The following FHIT variants were observed in gnomAD, a reference collection of about 807,000 sequenced individuals.
FHIT encodes the protein fragile histidine triad diadenosine triphosphatase.
A neutral mutation model predicts 17.9 loss-of-function variants in FHIT; 19 were observed. That is an observed-to-expected ratio of 1.06 (90% CI 0.74 to 1.56). The LOEUF is 1.56. FHIT is among the 40% of genes most tolerant of loss of function. The pLI is 0.00. For missense variants in FHIT, 248 were observed against 189.2 expected, an observed-to-expected ratio of 1.31 and a Z score of -1.82; for synonymous variants, 81 against 69.7, an observed-to-expected ratio of 1.16 and a Z score of -0.81.
chr3:60,246,331 G>A (rs190879639), intron 5 of FHIT, among the ~76,000 whole-genome samples: 15 of 152,122 alleles, frequency 9.9e-5, no homozygotes, highest in African/African-American at 3.4e-4. Flanking sequence ...TTTCCAGGAG[G>A]GGAAAAATGT....
chr3:60,962,454 T>C (rs9871579), intron 3 of FHIT, among the ~76,000 whole-genome samples: 2,596 of 152,264 alleles, frequency 0.017, 77 homozygotes, highest in African/African-American at 0.059. Flanking sequence ...CTGGCCAGAA[T>C]TTCCAACACT....
chr3:59,831,250 TCAA>T (rs962721119), intron 8 of FHIT, among the ~76,000 whole-genome samples: 3 of 152,180 alleles, frequency 2.0e-5, no homozygotes, highest in Admixed American at 6.5e-5. Flanking sequence ...ATAATTATCA[TCAA>T]CATTATCTGT....
At chr3:60,833,692 A>G (rs1231579466) in intron 3 of FHIT, among the ~76,000 whole-genome samples, 4 of 152,202 alleles carry the variant, frequency 2.6e-5, no homozygotes, top group Non-Finnish European at 4.4e-5. Flanking sequence ...AAGCTATTAC[A>G]CAGTAACACA....
intron 5 of FHIT, among the ~76,000 whole-genome samples, chr3:60,526,072 T>A (rs561318200): frequency 2.6e-5 from 4 of 151,880 alleles, no homozygotes; most frequent in Non-Finnish European, 5.9e-5. Context: ...CACTGCACTA[T>A]AGCTTGGATG....
chr3:60,154,942 G>A (rs1353121620), intron 5 of FHIT, among the ~76,000 whole-genome samples: 1 of 152,100 alleles, frequency 6.6e-6, no homozygotes, highest in African/African-American at 2.4e-5. Context: ...ACATACACCT[G>A]TAATCCGAGC....
chr3:61,052,653 G>A (rs1046859597), intron 2 of FHIT, among the ~76,000 whole-genome samples: 2 of 152,118 alleles, frequency 1.3e-5, no homozygotes, highest in Non-Finnish European at 2.9e-5. Context: ...TATTGCCCAC[G>A]AGTTTCTAAA....
intron 1 of FHIT, among the ~76,000 whole-genome samples, chr3:61,234,971 C>T (rs1243550034): frequency 6.6e-6 from 1 of 152,084 alleles, no homozygotes; most frequent in African/African-American, 2.4e-5. Flanking sequence ...TTTGATACTG[C>T]TAATTTGAGA....
At chr3:60,759,565 A>G (rs532004615) in intron 4 of FHIT, among the ~76,000 whole-genome samples, 61 of 152,314 alleles carry the variant, frequency 4.0e-4, no homozygotes, top group African/African-American at 1.4e-3. Context: ...CAGATCAGAA[A>G]GAGGATGATG....
chr3:60,612,815 G>C (rs1390221971), intron 4 of FHIT, among the ~76,000 whole-genome samples: 1 of 152,170 alleles, frequency 6.6e-6, no homozygotes, highest in Non-Finnish European at 1.5e-5. Flanking sequence ...GGCTGTGGCA[G>C]ACATTATTAA....
intron 4 of FHIT, among the ~76,000 whole-genome samples, chr3:60,601,765 T>C (rs1175158599): frequency 6.6e-6 from 1 of 152,124 alleles, no homozygotes; most frequent in Non-Finnish European, 1.5e-5. Flanking sequence ...TCCTCATAAG[T>C]GTTTTATAAT....
chr3:61,237,645 T>C (rs2040265405), intron 1 of FHIT, among the ~76,000 whole-genome samples: 1 of 152,226 alleles, frequency 6.6e-6, no homozygotes, highest in South Asian at 2.1e-4. Flanking sequence ...TTAATGACAC[T>C]GATCTCAGGT....
chr3:60,660,632 T>A (rs1047817447), intron 4 of FHIT, among the ~76,000 whole-genome samples: 2 of 151,840 alleles, frequency 1.3e-5, no homozygotes, highest in Admixed American at 6.6e-5. Flanking sequence ...CAATTTTTTT[T>A]ATTTAGCCAT....
At chr3:60,625,268 G>C (rs915557852) in intron 4 of FHIT, among the ~76,000 whole-genome samples, 2 of 152,168 alleles carry the variant, frequency 1.3e-5, no homozygotes, top group Non-Finnish European at 2.9e-5. Flanking sequence ...AAGCTTTTGA[G>C]TGGACATATG....
At chr3:60,037,434 G>A (rs1701264797) in intron 5 of FHIT, among the ~76,000 whole-genome samples, 1 of 148,690 alleles carries the variant, frequency 6.7e-6, no homozygotes, top group Non-Finnish European at 1.5e-5. Flanking sequence ...TGTCGCCCGA[G>A]TGCAGTGGCG....
intron 5 of FHIT, among the ~76,000 whole-genome samples, chr3:60,093,224 G>A (rs760651715): frequency 2.0e-4 from 30 of 152,250 alleles, no homozygotes; most frequent in East Asian, 3.9e-4. Flanking sequence ...CAAGTTGTGC[G>A]CAGAGGTGAC....
intron 4 of FHIT, among the ~76,000 whole-genome samples, chr3:60,569,755 A>ACATATATATATATATATTTTT (rs1553654910): frequency 1.3e-5 from 1 of 77,344 alleles, no homozygotes; most frequent in African/African-American, 4.8e-5. Context: ...ATATATATAT[A>ACATATATATATATATATTTTT]TTTTTTTTTT....
chr3:60,484,967 AC>A (rs1306852237), intron 5 of FHIT, among the ~76,000 whole-genome samples: 4 of 152,198 alleles, frequency 2.6e-5, no homozygotes, highest in Non-Finnish European at 5.9e-5. Flanking sequence ...CAAGAAAAAA[AC>A]AACCCCATCA....
chr3:60,348,204 C>A (rs1214429915), intron 5 of FHIT, among the ~76,000 whole-genome samples: 4 of 151,940 alleles, frequency 2.6e-5, no homozygotes, highest in Non-Finnish European at 5.9e-5. Flanking sequence ...TTTAACAAAT[C>A]AATGGATGAA....
intron 7 of FHIT, among the ~76,000 whole-genome samples, chr3:59,930,340 C>T (rs1175696928): frequency 6.6e-6 from 1 of 152,148 alleles, no homozygotes; most frequent in African/African-American, 2.4e-5. Context: ...TGTAGCAATG[C>T]TTTGCACAGT....
Sources: allele counts gnomAD v4.1 joint callset (sites outside exome capture counted in the v4.1 genomes callset), GRCh38; gene constraint gnomAD v4.1.1; transcripts MANE v1.5; gene names NCBI Gene and HGNC (gene_info 2026-07-23, HGNC 2026-07-21).